ALAD: variants seen among roughly 807,000 people sequenced by gnomAD.
ALAD encodes the protein delta-aminolevulinic acid dehydratase.
In ALAD, 20 loss-of-function variants were observed where a neutral mutation model predicts 44.4. The observed-to-expected ratio is 0.45, with a 90% CI of 0.32 to 0.65. The LOEUF (loss-of-function observed/expected upper bound fraction) is 0.65, where lower values mean the gene tolerates loss of function less well. Ranked by LOEUF, ALAD falls within the 30% of genes least tolerant of loss-of-function variation. The pLI, the probability that ALAD is intolerant of heterozygous loss-of-function variation, is 0.05. For missense variants in ALAD, 323 were observed against 445.7 expected (o/e 0.72, Z 2.48); for synonymous variants, 156 against 167.9 (o/e 0.93, Z 0.55).
At chr9:113,395,895 T>G (rs1827713273) in intron 1 of ALAD, among the ~76,000 whole-genome samples, 1 of 152,102 alleles carries the variant, frequency 6.6e-6, no homozygotes, top group African/African-American at 2.4e-5. Flanking sequence ...CCGTCTCTAC[T>G]AAAAATACAA....
rs1307575437 is a variant in ALAD at position 113,390,839 on chromosome 9, C to G, written c.356G>C (p.Cys119Ser). 6.2e-7 allele frequency: 1 copy of G among 1,613,628 alleles called. No individual in the cohort carries two copies. Among genetic ancestry groups the G allele is most frequent in the Admixed American group, 1.7e-5 (1 of 59,928 alleles). Residue 119 changes from cysteine (C) to serine (S), a missense_variant, in exon 5 of 12, where the codon TGT (cysteine) becomes TCT (serine). Cys to Ser is a moderately radical substitution (Grantham distance 112). Transcript: ENST00000409155. ...GGTGTAGGGACACAGGCAGACATCA[C>G]AGGCCACCAGGAGGTTGGGGAAGGT... Reference protein sequence around the residue: ...RKTFPNLLVACDVCLCPYTSH... With the variant: ...RKTFPNLLVASDVCLCPYTSH...
chr9:113,389,202 G>A, intron 10 of ALAD, 96 bp from the exon 11 acceptor site: 1 of 1,554,492 alleles, frequency 6.4e-7, no homozygotes. Flanking sequence ...ACCATCTTGA[G>A]CCCCGTGTCC....
At chr9:113,391,986 C>T in intron 3 of ALAD, 133 bp downstream of exon 3, 1 of 952,956 alleles carries the variant, frequency 1.0e-6, no homozygotes, top group Non-Finnish European at 1.6e-6. Context: ...CCGGGGAAAC[C>T]CTTTCCTCTA....
chr9:113,388,940 T>A, intron 11 of ALAD, 37 bp downstream of exon 11: 1 of 1,613,636 alleles, frequency 6.2e-7, no homozygotes, highest in Non-Finnish European at 8.5e-7. Context: ...TCAGTCCCTG[T>A]GGCGCAGGTC....
intron 5 of ALAD, 49 bp downstream of exon 5, chr9:113,390,748 GC>G (rs755966146): frequency 1.9e-6 from 3 of 1,599,206 alleles, no homozygotes; most frequent in Non-Finnish European, 2.6e-6. Context: ...TGAGAAGTGG[GC>G]AGTAGGAGTG....
chr9:113,397,854 A>G (rs1011436929), intron 1 of ALAD, among the ~76,000 whole-genome samples: 9 of 151,836 alleles, frequency 5.9e-5, no homozygotes, highest in African/African-American at 2.2e-4. Flanking sequence ...CAAACTCCTG[A>G]CTTCAAGTGA....
At chr9:113,392,475 A>G (rs1827618223) in intron 2 of ALAD, 2 of 568,568 alleles carry the variant, frequency 3.5e-6, no homozygotes, top group Non-Finnish European at 5.3e-6. Context: ...TATCCCAGCC[A>G]CTTACTGCCT....
chr9:113,388,331 G>C lies in ALAD; in HGVS notation c.962C>G (p.Pro321Arg), dbSNP rs139825145. 1 of 1,614,074 alleles carries C rather than the reference G, an allele frequency of 6.2e-7. No homozygotes were observed. The highest frequency in any genetic ancestry group is 1.7e-5 in the Admixed American group (1 of 60,004). The change falls in exon 12 of 12, where the codon CCG becomes CGG. Residue 321 changes from proline (P) to arginine (R), a missense_variant. By Grantham distance (103) the Pro-to-Arg change is moderately radical. Transcript: ENST00000409155. ...CTCCTTCAGCCACTGCAGCAGCTGC[G>C]GTGTGTAGTAGGTGATGATGATGTC... ...GADIIITYYT[P>R]QLLQWLKEE is the part of the protein sequence containing the mutation.
At chr9:113,388,522 T>A (rs975950756) in intron 11 of ALAD, among the ~76,000 whole-genome samples, 161 bp from the exon 12 acceptor site, 2 of 152,196 alleles carry the variant, frequency 1.3e-5, no homozygotes, top group African/African-American at 4.8e-5. Context: ...AAACTCTATT[T>A]CTTGGGCAAG....
At chr9:113,388,865 A>T in intron 11 of ALAD, 112 bp downstream of exon 11, 2 of 1,501,812 alleles carry the variant, frequency 1.3e-6, no homozygotes, top group Non-Finnish European at 1.8e-6. Flanking sequence ...TTAGATCACT[A>T]GTAATTCCCG....
At chr9:113,397,860 A>C (rs1443227768) in intron 1 of ALAD, among the ~76,000 whole-genome samples, 1 of 151,882 alleles carries the variant, frequency 6.6e-6, no homozygotes, top group Non-Finnish European at 1.5e-5. Context: ...CCTGACTTCA[A>C]GTGATCCGCC....
chr9:113,389,068 T>A lies in ALAD; in HGVS notation c.840A>T (p.Gly280=), dbSNP rs553974879. The A allele has an allele frequency of 6.2e-7, 1 of 1,613,818 alleles. No homozygotes were observed. Among genetic ancestry groups the A allele is most frequent in the East Asian group, 2.2e-5 (1 of 44,874 alleles). ...CTCCATGCCACAGCATGGCAAACTC[T>A]CCAGAGACGTGGTACACGGCGAGAG... is the stretch of plus-strand genomic sequence containing the variant. ...DLPLAVYHVS[G]EFAMLWHGAQ... Residue 280 remains glycine, a synonymous_variant, in exon 11 of 12, where the codon GGA becomes GGT. Transcript: ENST00000409155.
At chr9:113,400,056 G>A (rs1381709614) in intron 1 of ALAD, among the ~76,000 whole-genome samples, 1 of 152,340 alleles carries the variant, frequency 6.6e-6, no homozygotes, top group African/African-American at 2.4e-5. Context: ...GGGCTTTGAA[G>A]AGCCTGATCG....
chr9:113,393,255 C>T, intron 2 of ALAD, 192 bp downstream of exon 2: 1 of 623,558 alleles, frequency 1.6e-6, no homozygotes, highest in Non-Finnish European at 2.9e-6. Context: ...TGAATGAGTT[C>T]TTTCAAAGTT....
rs190137021 is a variant in ALAD, at chr9:113,387,020, C to G, written c.*1280G>C. 6.6e-6 allele frequency: 1 copy of G among 152,254 alleles called. No homozygotes were observed. Among genetic ancestry groups the G allele is most frequent in the Non-Finnish European group, 1.5e-5 (1 of 68,086 alleles). 9.4% of individuals were successfully genotyped at this position (152,254 alleles called of 1,614,324 possible). ...TCAAGACTTTTCATTTGCACTTTGC[C>G]GCAGAGCTGTTAAAATACTTTTACA... On this transcript the variant is annotated 3_prime_UTR_variant, in exon 12 of 12. Transcript: ENST00000409155.
At chr9:113,389,955 T>C in intron 7 of ALAD, 127 bp from the exon 8 acceptor site, 1 of 1,165,668 alleles carries the variant, frequency 8.6e-7, no homozygotes, top group South Asian at 1.3e-5. Context: ...GTTGGAGTGC[T>C]GGGCTTGATT....
Position 113,393,665 on chromosome 9 carries a change from A to G in ALAD, c.-75-31T>C, listed in dbSNP as rs1034664630. 1.9e-5 allele frequency: 17 copies of G among 890,608 alleles called. No homozygotes were observed. In the African/African-American group the frequency reaches 2.3e-4, roughly 12 times the overall value. The allele number at this position is 890,608 out of a possible 1,614,324, so 55.2% of individuals were successfully genotyped here. On this transcript the variant is annotated intron_variant, in intron 1 of 11. Coordinates refer to ENST00000409155, the MANE Select transcript of ALAD (RefSeq NM_000031.6). ...GGGGGTGATGGGTGGCACATGAGACATGGTCCCTGTCCTCAGGAGATGGTC... is the reference window on the plus strand; with the variant it reads ...GGGGGTGATGGGTGGCACATGAGACGTGGTCCCTGTCCTCAGGAGATGGTC...
chr9:113,388,426 C>T (rs938894418), intron 11 of ALAD, 65 bp from the exon 12 acceptor site: 27 of 1,499,998 alleles, frequency 1.8e-5, no homozygotes, highest in South Asian at 4.5e-5. Context: ...ACACCTTCTG[C>T]GATGGGAAGG....
At position 113,388,315 on chromosome 9, in the gene ALAD, C is replaced by A. The variant is rs1274696087; in HGVS notation, c.978G>T (p.Trp326Cys). The A allele has an allele frequency of 6.2e-7, 1 of 1,614,142 alleles. No individual in the cohort carries two copies. Among genetic ancestry groups the A allele is most frequent in the South Asian group, 1.1e-5 (1 of 91,076 alleles). ...ACTGTCTCCATCATTCCTCCTTCAG[C>A]CACTGCAGCAGCTGCGGTGTGTAGT... Reference protein sequence around the residue: ...ITYYTPQLLQWLKEE With the variant: ...ITYYTPQLLQCLKEE The change falls in exon 12 of 12, where the codon TGG becomes TGT. Residue 326 changes from tryptophan to cysteine, a missense_variant. Transcript: ENST00000409155.
Sources: allele counts gnomAD v4.1 joint callset (sites outside exome capture counted in the v4.1 genomes callset), GRCh38; gene constraint gnomAD v4.1.1; transcripts MANE v1.5; gene names NCBI Gene and HGNC (gene_info 2026-07-23, HGNC 2026-07-21).